The following ALK variants were observed in gnomAD, a reference collection of about 807,000 sequenced individuals.
ALK encodes the protein ALK tyrosine kinase receptor.
In ALK, 74 loss-of-function variants were observed where a neutral mutation model predicts 163.1. The ratio of observed to expected loss-of-function variants is 0.45; its 90% CI spans 0.38 to 0.55. The LOEUF (loss-of-function observed/expected upper bound fraction) is 0.55, where lower values mean the gene tolerates loss of function less well. Ranked by LOEUF, ALK falls within the 20% of genes least tolerant of loss-of-function variation. The pLI is 0.00. For missense variants in ALK, 2,063 were observed against 2,105.3 expected (o/e 0.98, Z 0.39); for synonymous variants, 960 against 843.2 (o/e 1.14, Z -2.40).
chr2:29,209,092 T>C (rs1485979599), intron 25 of ALK, among the ~76,000 whole-genome samples: 1 of 151,138 alleles, frequency 6.6e-6, no homozygotes, highest in African/African-American at 2.4e-5. Context: ...CCTGCGGTGT[T>C]AGAAGCCATA....
At chr2:29,503,137 T>C (rs770048431) in intron 4 of ALK, among the ~76,000 whole-genome samples, 1 of 152,244 alleles carries the variant, frequency 6.6e-6, no homozygotes, top group African/African-American at 2.4e-5. Context: ...ATGAATGAAT[T>C]TATAGTTTTC....
intron 1 of ALK, chr2:29,891,108 G>C (rs1046821121): frequency 6.6e-6 from 1 of 152,184 alleles, no homozygotes; most frequent in Admixed American, 6.5e-5. Context: ...ATAGCTTGGG[G>C]GGAAACCTAA....
intron 1 of ALK, among the ~76,000 whole-genome samples, chr2:29,856,759 A>C (rs777572907): frequency 6.6e-6 from 1 of 152,204 alleles, no homozygotes; most frequent in Non-Finnish European, 1.5e-5. Flanking sequence ...TGGGTGAAGG[A>C]GAAAAGAAAC....
At chr2:29,525,592 C>A (rs1356840121) in intron 4 of ALK, among the ~76,000 whole-genome samples, 1 of 151,836 alleles carries the variant, frequency 6.6e-6, no homozygotes, top group Non-Finnish European at 1.5e-5. Context: ...GAGTTTGAGA[C>A]CAGCCTGGCC....
intron 4 of ALK, among the ~76,000 whole-genome samples, chr2:29,387,137 T>C (rs988718678): frequency 6.6e-6 from 1 of 152,184 alleles, no homozygotes; most frequent in African/African-American, 2.4e-5. Flanking sequence ...GGTGTCCATC[T>C]GGACTTTAGG....
chr2:29,605,512 T>C (rs1675518790), intron 3 of ALK, among the ~76,000 whole-genome samples: 1 of 152,174 alleles, frequency 6.6e-6, no homozygotes, highest in South Asian at 2.1e-4. Flanking sequence ...CTTTGGGAGA[T>C]AGATGACTTA....
At chr2:29,555,778 T>C (rs1398470738) in intron 3 of ALK, among the ~76,000 whole-genome samples, 1 of 152,134 alleles carries the variant, frequency 6.6e-6, no homozygotes, top group Non-Finnish European at 1.5e-5. Flanking sequence ...CCCAATTTCT[T>C]TGGAAAGCAG....
At chr2:29,244,148 A>T (rs988471515) in intron 12 of ALK, among the ~76,000 whole-genome samples, 7 of 152,234 alleles carry the variant, frequency 4.6e-5, no homozygotes, top group African/African-American at 2.4e-5. Context: ...TGCCGCTCAG[A>T]AAAACAGAAG....
intron 4 of ALK, among the ~76,000 whole-genome samples, chr2:29,430,679 T>C (rs956227134): frequency 6.6e-5 from 10 of 152,226 alleles, no homozygotes; most frequent in African/African-American, 2.4e-4. Flanking sequence ...ATGGAATCTA[T>C]GGGCATACCC....
intron 5 of ALK, among the ~76,000 whole-genome samples, chr2:29,377,258 C>T (rs754973283): frequency 3.3e-5 from 5 of 152,046 alleles, no homozygotes; most frequent in Non-Finnish European, 5.9e-5. Flanking sequence ...GGGCGGATCA[C>T]GAGGTCAGGA....
chr2:29,271,983 G>T (rs527777502), intron 11 of ALK, among the ~76,000 whole-genome samples: 1 of 152,294 alleles, frequency 6.6e-6, no homozygotes, highest in Admixed American at 6.5e-5. Context: ...CAAGGAGAAG[G>T]ATAGAGGGGT....
chr2:29,871,822 A>G (rs1666585457), intron 1 of ALK, among the ~76,000 whole-genome samples: 1 of 152,226 alleles, frequency 6.6e-6, no homozygotes, highest in Admixed American at 6.5e-5. Flanking sequence ...CATATCCTAG[A>G]CCAATTCTGA....
intron 4 of ALK, among the ~76,000 whole-genome samples, chr2:29,502,145 A>T (rs1672204758): frequency 6.6e-6 from 1 of 152,178 alleles, no homozygotes; most frequent in African/African-American, 2.4e-5. Flanking sequence ...TACACGCTGG[A>T]GAATAAAACA....
chr2:29,751,181 C>A (rs772671341), intron 1 of ALK, among the ~76,000 whole-genome samples: 5 of 148,660 alleles, frequency 3.4e-5, no homozygotes, highest in Non-Finnish European at 6.1e-5. Flanking sequence ...ATGAAGCTTG[C>A]CTGGACTGAA....
intron 26 of ALK, among the ~76,000 whole-genome samples, chr2:29,206,702 A>G (rs765263316): frequency 2.0e-5 from 3 of 151,864 alleles, no homozygotes; most frequent in Non-Finnish European, 4.4e-5. Context: ...CTTGTTCATG[A>G]CTTCCCAGTT....
intron 5 of ALK, among the ~76,000 whole-genome samples, chr2:29,352,307 G>C (rs1241502368): frequency 6.6e-6 from 1 of 152,228 alleles, no homozygotes; most frequent in East Asian, 1.9e-4. Context: ...TATGTAGAGA[G>C]GACAGGCAGA....
chr2:29,659,387 T>C (rs958174228), intron 3 of ALK, among the ~76,000 whole-genome samples: 2 of 152,158 alleles, frequency 1.3e-5, no homozygotes, highest in African/African-American at 4.8e-5. Flanking sequence ...AGTGGGCTGT[T>C]CTGCCTGGGG....
At chr2:29,836,595 A>G (rs1215786804) in intron 1 of ALK, among the ~76,000 whole-genome samples, 1 of 152,258 alleles carries the variant, frequency 6.6e-6, no homozygotes, top group Non-Finnish European at 1.5e-5. Flanking sequence ...TAAGTGTAAT[A>G]TCACCTTAAG....
intron 1 of ALK, among the ~76,000 whole-genome samples, chr2:29,834,979 T>A (rs939518601): frequency 6.6e-6 from 1 of 152,212 alleles, no homozygotes; most frequent in Non-Finnish European, 1.5e-5. Flanking sequence ...TAAAGAAAAC[T>A]GCCCCATTAG....
Sources: allele counts gnomAD v4.1 joint callset (sites outside exome capture counted in the v4.1 genomes callset), GRCh38; gene constraint gnomAD v4.1.1; transcripts MANE v1.5; gene names NCBI Gene and HGNC (gene_info 2026-07-23, HGNC 2026-07-21).